The following DLG2 variants were observed in gnomAD, a reference collection of about 807,000 sequenced individuals.
DLG2 encodes the protein discs large MAGUK scaffold protein 2, also known as disks large homolog 2.
In DLG2, 45 loss-of-function variants were observed where a neutral mutation model predicts 132.5. The ratio of observed to expected loss-of-function variants is 0.34; its 90% CI spans 0.27 to 0.44. DLG2 has a LOEUF of 0.44. Ranked by LOEUF, DLG2 falls within the 20% of genes least tolerant of loss-of-function variation. The probability of loss-of-function intolerance (pLI) is 1.00; values close to 1 mark genes in which losing one functional copy is unlikely to be tolerated. For synonymous variants in DLG2, 424 were observed against 419.6 expected (o/e 1.01, Z -0.13); for missense variants, 1,045 against 1,196.9 (o/e 0.87, Z 1.87).
intron 8 of DLG2, among the ~76,000 whole-genome samples, chr11:84,194,165 AC>A (rs935279990): frequency 6.6e-6 from 1 of 151,750 alleles, no homozygotes; most frequent in Non-Finnish European, 1.5e-5. Flanking sequence ...TTCCTCCTAT[AC>A]TCTATCCTTT....
At position 84,586,678 on chromosome 11, in the gene DLG2, T is replaced by A. The variant is rs12281145; in HGVS notation, c.358-51947A>T. Among the ~76,000 whole-genome samples the A allele has an allele frequency of 3.4e-3, 518 of 152,254 alleles. 3 individuals are homozygous for A. The highest frequency in any genetic ancestry group is 0.012 in the African/African-American group (495 of 41,570). ...TTGTTTTTGTCATACACTTTTGCTT[T>A]ATATTTGTTATTGACTTTTTTGATT... On this transcript the variant is annotated intron_variant, in intron 6 of 27. Transcript: ENST00000376104.
At position 83,885,042 on chromosome 11, in the gene DLG2, C is replaced by T. The variant is rs867534004; in HGVS notation, c.1497-10554G>A. Among the ~76,000 whole-genome samples, 49 of 152,336 alleles carry T rather than the reference C, an allele frequency of 3.2e-4. No homozygotes were observed. The Middle Eastern group carries it at 0.01, about 32-fold the overall frequency. ...GGAAACTCTAAAAAGCAGAGCGCCT[C>T]TCCTCCTCCAAAGGAACGCAGTTTC... On this transcript the variant is annotated intron_variant, in intron 15 of 27. Coordinates refer to ENST00000376104, the MANE Select transcript of DLG2 (RefSeq NM_001142699.3).
intron 15 of DLG2, among the ~76,000 whole-genome samples, chr11:83,876,796 G>GTA (rs1354755763): frequency 1.3e-5 from 2 of 151,940 alleles, no homozygotes; most frequent in Non-Finnish European, 2.9e-5. Context: ...TCACATAGTT[G>GTA]TATATATATA....
chr11:83,768,705 A>G (rs1207176580), intron 18 of DLG2, among the ~76,000 whole-genome samples: 1 of 152,212 alleles, frequency 6.6e-6, no homozygotes, highest in East Asian at 1.9e-4. Flanking sequence ...TCCTGAGGCC[A>G]TGCATATAAG....
intron 7 of DLG2, among the ~76,000 whole-genome samples, chr11:84,327,685 T>C (rs758456282): frequency 1.2e-3 from 176 of 152,356 alleles, no homozygotes; most frequent in African/African-American, 4.0e-3. Flanking sequence ...TTCAATTGCA[T>C]ACAAATACTC....
chr11:84,373,265 C>CAAAAAAACAAAAAAAAAA (rs59038372), intron 7 of DLG2, among the ~76,000 whole-genome samples: 1 of 98,090 alleles, frequency 1.0e-5, no homozygotes, highest in African/African-American at 4.6e-5. Context: ...AAAAAAAAAA[C>CAAAAAAACAAAAAAAAAA]AAAACAAAAA....
chr11:84,252,730 T>A (rs2097404411), intron 7 of DLG2, among the ~76,000 whole-genome samples: 1 of 152,196 alleles, frequency 6.6e-6, no homozygotes, highest in South Asian at 2.1e-4. Context: ...TTTCTAGAAT[T>A]TTCACAACAA....
At chr11:83,862,357 G>A (rs1246932881) in intron 16 of DLG2, among the ~76,000 whole-genome samples, 3 of 152,080 alleles carry the variant, frequency 2.0e-5, no homozygotes, top group Non-Finnish European at 4.4e-5. Flanking sequence ...GACAAACTTT[G>A]GATGTTCCCA....
At chr11:84,593,770 C>T (rs575173772) in intron 6 of DLG2, among the ~76,000 whole-genome samples, 3 of 152,016 alleles carry the variant, frequency 2.0e-5, no homozygotes, top group Admixed American at 6.6e-5. Context: ...AGGTTCTGCA[C>T]ATGTATCCCA....
intron 6 of DLG2, among the ~76,000 whole-genome samples, chr11:84,631,779 G>A (rs1349853446): frequency 1.3e-5 from 2 of 152,132 alleles, no homozygotes; most frequent in African/African-American, 2.4e-5. Context: ...GCTATTTCAG[G>A]TAACATGAAA....
intron 6 of DLG2, among the ~76,000 whole-genome samples, chr11:84,542,157 G>C (rs1168293687): frequency 1.3e-5 from 2 of 151,772 alleles, no homozygotes; most frequent in Non-Finnish European, 2.9e-5. Flanking sequence ...GAGAGAAAGA[G>C]AGAGAGGGGG....
chr11:84,939,816 A>T (rs1004376838), intron 6 of DLG2, among the ~76,000 whole-genome samples: 15 of 152,152 alleles, frequency 9.9e-5, no homozygotes, highest in African/African-American at 3.4e-4. Context: ...TTATTTATCC[A>T]TTTGTCTATT....
At chr11:83,768,509 G>A (rs1262498823) in intron 18 of DLG2, among the ~76,000 whole-genome samples, 2 of 152,034 alleles carry the variant, frequency 1.3e-5, no homozygotes, top group Admixed American at 6.6e-5. Flanking sequence ...TTCTCACTTC[G>A]GTGGTAATCT....
chr11:83,562,144 C>T (rs1285937536), intron 19 of DLG2, among the ~76,000 whole-genome samples: 1 of 152,004 alleles, frequency 6.6e-6, no homozygotes, highest in African/African-American at 2.4e-5. Flanking sequence ...GCCTCAGCCT[C>T]CCAAAGTGCT....
At chr11:83,608,079 C>T (rs748768704) in intron 19 of DLG2, among the ~76,000 whole-genome samples, 1 of 152,126 alleles carries the variant, frequency 6.6e-6, no homozygotes. Flanking sequence ...TTATTAAAAT[C>T]CATTGATCCA....
intron 6 of DLG2, among the ~76,000 whole-genome samples, chr11:84,780,252 T>C (rs1362530052): frequency 2.6e-5 from 4 of 151,952 alleles, no homozygotes; most frequent in African/African-American, 2.4e-5. Flanking sequence ...ATAAATATGA[T>C]ACATCACATA....
chr11:84,556,381 G>A (rs960781561), intron 6 of DLG2, among the ~76,000 whole-genome samples: 1 of 152,062 alleles, frequency 6.6e-6, no homozygotes, highest in Non-Finnish European at 1.5e-5. Flanking sequence ...TTCCTGACTC[G>A]TATTTCTGTT....
At chr11:84,727,406 T>TA (rs2062613654) in intron 6 of DLG2, among the ~76,000 whole-genome samples, 1 of 151,938 alleles carries the variant, frequency 6.6e-6, no homozygotes, top group African/African-American at 2.4e-5. Context: ...GATGGTTTTA[T>TA]ATGGTGGTGT....
chr11:84,868,958 A>T (rs1012501314), intron 6 of DLG2, among the ~76,000 whole-genome samples: 1 of 152,220 alleles, frequency 6.6e-6, no homozygotes, highest in Non-Finnish European at 1.5e-5. Flanking sequence ...AAGAGTGACT[A>T]AACTATGTCA....
Sources: gnomAD v4.1 joint callset for allele counts (sites outside exome capture counted in the v4.1 genomes callset) on GRCh38, gnomAD v4.1.1 for gene constraint, MANE v1.5 for transcripts, NCBI Gene and HGNC (gene_info 2026-07-23, HGNC 2026-07-21) for gene names.